Variants in NPAS3 observed in about 807,000 individuals in gnomAD.
NPAS3 encodes the protein neuronal PAS domain protein 3, also known as neuronal PAS domain-containing protein 3.
Under a neutral mutation model 73.1 loss-of-function variants are expected in NPAS3, and 14 were observed. The ratio of observed to expected loss-of-function variants is 0.19; its 90% CI spans 0.13 to 0.30. The LOEUF is 0.30. NPAS3 is among the 10% of genes least tolerant of loss of function. The pLI is 1.00. For synonymous variants in NPAS3, 620 were observed against 541.5 expected (o/e 1.14, Z -2.01); for missense variants, 1,096 against 1,250.0 (o/e 0.88, Z 1.86).
chr14:32,959,976 ATTTTTT>A (rs61262665), intron 1 of NPAS3, among the ~76,000 whole-genome samples: 2 of 131,336 alleles, frequency 1.5e-5, no homozygotes, highest in African/African-American at 2.8e-5. Flanking sequence ...GTGAGTTTCA[ATTTTTT>A]TTTTTTTTTT....
At chr14:33,144,629 A>G (rs2044173493) in intron 2 of NPAS3, among the ~76,000 whole-genome samples, 1 of 152,182 alleles carries the variant, frequency 6.6e-6, no homozygotes, top group Non-Finnish European at 1.5e-5. Flanking sequence ...AGAGCCTTGA[A>G]CTCCTGGGAT....
chr14:33,461,586 G>A (rs1340369919), intron 4 of NPAS3, among the ~76,000 whole-genome samples: 2 of 152,196 alleles, frequency 1.3e-5, no homozygotes, highest in African/African-American at 4.8e-5. Flanking sequence ...TTTCATGAAG[G>A]AGGTGACATT....
At chr14:33,549,112 T>A (rs1221094297) in intron 4 of NPAS3, among the ~76,000 whole-genome samples, 3 of 152,188 alleles carry the variant, frequency 2.0e-5, no homozygotes, top group African/African-American at 7.2e-5. Context: ...CAGTGACAAT[T>A]CATGTACTAG....
At chr14:33,701,910 T>TAAG (rs2060533134) in intron 6 of NPAS3, among the ~76,000 whole-genome samples, 4 of 152,216 alleles carry the variant, frequency 2.6e-5, no homozygotes, top group Non-Finnish European at 5.9e-5. Context: ...TAAGAAATGG[T>TAAG]ATCTGCCCTC....
At chr14:33,535,214 G>T (rs2054209820) in intron 4 of NPAS3, among the ~76,000 whole-genome samples, 1 of 152,132 alleles carries the variant, frequency 6.6e-6, no homozygotes, top group Admixed American at 6.5e-5. Flanking sequence ...AAGAAATCTG[G>T]ATGGGGACCT....
At chr14:33,304,012 A>G (rs1015446754) in intron 3 of NPAS3, among the ~76,000 whole-genome samples, 20 of 152,190 alleles carry the variant, frequency 1.3e-4, no homozygotes, top group Non-Finnish European at 2.9e-5. Context: ...GGTTCACGCC[A>G]TTCTCCTGCC....
chr14:33,254,892 T>TG (rs1204209004), intron 3 of NPAS3, among the ~76,000 whole-genome samples: 1 of 152,048 alleles, frequency 6.6e-6, no homozygotes, highest in Non-Finnish European at 1.5e-5. Flanking sequence ...TGAAAATCTA[T>TG]GGAAATATAT....
chr14:33,239,069 T>C (rs1382312855), intron 3 of NPAS3, among the ~76,000 whole-genome samples: 1 of 151,938 alleles, frequency 6.6e-6, no homozygotes, highest in Admixed American at 6.6e-5. Flanking sequence ...GAAACCAGCA[T>C]GTTTATGTCA....
chr14:33,480,362 G>A lies in NPAS3; in HGVS notation c.469-79759G>A, dbSNP rs574314903. On this transcript the variant is annotated intron_variant, in intron 4 of 11. Coordinates refer to ENST00000356141, the Ensembl canonical transcript of NPAS3. ...GTCAGTGAGGATTCAGTCATGCGCT[G>A]CTATCATGGCCTTTAGGCAATCTTC... Among the ~76,000 whole-genome samples, 4 of 152,278 alleles carry A rather than the reference G, an allele frequency of 2.6e-5. No homozygotes were observed. In the East Asian group the frequency reaches 7.7e-4, roughly 29 times the overall value.
intron 2 of NPAS3, among the ~76,000 whole-genome samples, chr14:33,140,347 G>T (rs920149401): frequency 6.6e-6 from 1 of 152,100 alleles, no homozygotes; most frequent in Non-Finnish European, 1.5e-5. Flanking sequence ...TCAGTAATAT[G>T]TAAGTAGGGA....
intron 5 of NPAS3, among the ~76,000 whole-genome samples, chr14:33,670,642 C>G (rs1302866295): frequency 6.7e-6 from 1 of 149,274 alleles, no homozygotes; most frequent in East Asian, 2.0e-4. Context: ...AAAAAAACTA[C>G]AAATCCTGAC....
chr14:33,662,817 T>G (rs1364770956), intron 5 of NPAS3, among the ~76,000 whole-genome samples: 1 of 151,836 alleles, frequency 6.6e-6, no homozygotes, highest in East Asian at 1.9e-4. Context: ...GAGACTTTGC[T>G]GAAGTTGCTT....
intron 3 of NPAS3, among the ~76,000 whole-genome samples, chr14:33,294,076 G>T (rs540040573): frequency 8.5e-5 from 13 of 152,160 alleles, no homozygotes; most frequent in Non-Finnish European, 1.6e-4. Context: ...CAAATTTTGT[G>T]CAACTGAGGA....
chr14:33,201,855 C>G lies in NPAS3; in HGVS notation c.141-13327C>G, dbSNP rs148203706. On this transcript the variant is annotated intron_variant, in intron 2 of 11. Transcript: ENST00000356141. The stretch of plus-strand genomic sequence containing the variant: ...CAGCTTCCAAATCATGTGCTTTCCT[C>G]CATCTGAGAACTCTCAACAGTTGGG... 9.2e-5 allele frequency among the ~76,000 whole-genome samples: 14 copies of G among 152,292 alleles called. No individual in the cohort carries two copies. The East Asian group carries it at 2.5e-3, about 27-fold the overall frequency.
chr14:33,734,821 C>T (rs929907658), intron 6 of NPAS3, among the ~76,000 whole-genome samples: 1 of 152,140 alleles, frequency 6.6e-6, no homozygotes, highest in Non-Finnish European at 1.5e-5. Context: ...GCCTTCCTTA[C>T]CCTTTATCAG....
intron 3 of NPAS3, among the ~76,000 whole-genome samples, chr14:33,328,516 G>A (rs563510755): frequency 8.2e-6 from 1 of 121,712 alleles, no homozygotes; most frequent in African/African-American, 3.1e-5. Context: ...ACCCAGGCTG[G>A]AGTGCAGTGG....
chr14:32,938,081 A>C (rs993553012), upstream of NPAS3, among the ~76,000 whole-genome samples: 1 of 152,072 alleles, frequency 6.6e-6, no homozygotes, highest in Non-Finnish European at 1.5e-5. Context: ...ATGTGAGTTT[A>C]AACGCGCGGG....
chr14:33,731,792 A>C (rs2061409037), intron 6 of NPAS3, among the ~76,000 whole-genome samples: 1 of 152,218 alleles, frequency 6.6e-6, no homozygotes, highest in African/African-American at 2.4e-5. Flanking sequence ...CTGACATTTC[A>C]AGAGCTGAGA....
At chr14:33,584,399 T>C (rs61972983) in intron 5 of NPAS3, among the ~76,000 whole-genome samples, 3 of 72,020 alleles carry the variant, frequency 4.2e-5, no homozygotes, top group African/African-American at 1.6e-4. Context: ...TGGATGTTTA[T>C]TTAAAAAAAA....
Sources: gnomAD v4.1 joint callset for allele counts (sites outside exome capture counted in the v4.1 genomes callset) on GRCh38, gnomAD v4.1.1 for gene constraint, MANE v1.5 for transcripts, NCBI Gene and HGNC (gene_info 2026-07-23, HGNC 2026-07-21) for gene names.